The following AVEN variants were observed in gnomAD, a reference collection of about 807,000 sequenced individuals.
AVEN encodes apoptosis and caspase activation inhibitor.
AVEN carries 41 observed loss-of-function variants against 38.1 expected under a neutral mutation model. The observed-to-expected ratio is 1.08, with a 90% CI of 0.84 to 1.40. AVEN has a LOEUF of 1.40. Among genes scored for constraint, AVEN ranks in the 40% most tolerant of loss-of-function variants. The pLI is 0.00. For missense variants in AVEN, 605 were observed against 438.8 expected (o/e 1.38, Z -3.38); for synonymous variants, 206 against 171.8 (o/e 1.20, Z -1.56).
intron 2 of AVEN, among the ~76,000 whole-genome samples, chr15:33,959,945 G>T (rs1165059907): frequency 6.6e-6 from 1 of 152,158 alleles, no homozygotes; most frequent in African/African-American, 2.4e-5. Context: ...TCACTAAGCA[G>T]AAGATGCCAC....
In AVEN at chr15:33,894,645, A is replaced by G. The variant is rs375630550; in HGVS notation, c.446-18650T>C. Among the ~76,000 whole-genome samples the G allele has an allele frequency of 3.4e-3, 476 of 140,424 alleles. 32 individuals carry two copies. In the South Asian group the frequency reaches 0.089, roughly 26 times the overall value. The allele number at this position is 140,424 out of a possible 152,430, so 92.1% of individuals were successfully genotyped here. ...GGCAACACGGTAAAACCCCATCTCT[A>G]CAGAAATACAAAAAATTAGGTGGGC... On this transcript the variant is annotated intron_variant, in intron 2 of 5. Coordinates refer to ENST00000306730, the MANE Select transcript of AVEN (RefSeq NM_020371.3).
intron 2 of AVEN, among the ~76,000 whole-genome samples, chr15:33,961,610 G>A (rs1034044856): frequency 7.2e-4 from 109 of 151,618 alleles, no homozygotes; most frequent in South Asian, 1.5e-3. Flanking sequence ...TCAGGAGATC[G>A]AGACCATTCT....
At chr15:33,999,145 G>A (rs2140608308) in intron 2 of AVEN, among the ~76,000 whole-genome samples, 1 of 152,314 alleles carries the variant, frequency 6.6e-6, no homozygotes, top group East Asian at 1.9e-4. Context: ...GCTTCCAGTA[G>A]GTTAGACTTA....
At chr15:33,912,885 A>G (rs1456624668) in intron 2 of AVEN, among the ~76,000 whole-genome samples, 1 of 112,798 alleles carries the variant, frequency 8.9e-6, no homozygotes, top group East Asian at 2.6e-4. Context: ...TGTAAAAGGC[A>G]TAATTTTTTT....
intron 1 of AVEN, among the ~76,000 whole-genome samples, chr15:34,021,862 A>T (rs115133349): frequency 0.02 from 3,051 of 152,168 alleles, 99 homozygotes; most frequent in African/African-American, 0.07. Context: ...TCTCAAAAAT[A>T]AAAATAAAAT....
chr15:33,936,888 T>G (rs1241721556), intron 2 of AVEN, among the ~76,000 whole-genome samples: 2 of 152,018 alleles, frequency 1.3e-5, no homozygotes, highest in African/African-American at 2.4e-5. Flanking sequence ...TCCCAACACT[T>G]TGGGAGGCCG....
intron 1 of AVEN, among the ~76,000 whole-genome samples, chr15:34,021,571 A>G (rs1898201744): frequency 6.6e-6 from 1 of 152,232 alleles, no homozygotes; most frequent in Admixed American, 6.5e-5. Context: ...GCACTTACAC[A>G]TGGCCGTGTA....
At position 33,942,392 on chromosome 15, in the gene AVEN, A is replaced by G. The variant is rs114547386; in HGVS notation, c.445+60640T>C. 6.6e-3 allele frequency among the ~76,000 whole-genome samples: 1,008 copies of G among 152,296 alleles called. 11 individuals are homozygous for G. Among genetic ancestry groups the G allele is most frequent in the South Asian group, 0.026 (127 of 4,820 alleles). ...TGTCTACTCAACAACCGTGGTACTA[A>G]GTATTTAAATGAAGTTGTACTTGGT... is the stretch of plus-strand genomic sequence containing the variant. On this transcript the variant is annotated intron_variant, in intron 2 of 5. Coordinates refer to ENST00000306730, the MANE Select transcript of AVEN (RefSeq NM_020371.3).
Position 33,870,945 on chromosome 15 carries a change from T to C in AVEN, c.602A>G (p.Glu201Gly). ...CTTCGGGATTTTTACCTGGACCAGT[T>C]CGGCAGCAACGTTGAGTCGGAGGCA... ...PLCLRLNVAA[E>G]LVQGTVPLEV... is the part of the protein sequence containing the mutation. Residue 201 changes from glutamate (E) to glycine (G), a missense_variant, in exon 4 of 6, where the codon GAA becomes GGA. Physicochemically the swap from Glu to Gly is moderately conservative, Grantham distance 98 (BLOSUM62 -2). Coordinates refer to ENST00000306730, the MANE Select transcript of AVEN (RefSeq NM_020371.3). The C allele has an allele frequency of 6.2e-7, 1 of 1,611,218 alleles. No individual in the cohort carries two copies. The highest frequency in any genetic ancestry group is 8.5e-7 in the Non-Finnish European group (1 of 1,178,264).
At chr15:33,901,391 C>G (rs761145266) in intron 2 of AVEN, among the ~76,000 whole-genome samples, 2 of 152,218 alleles carry the variant, frequency 1.3e-5, no homozygotes, top group Non-Finnish European at 2.9e-5. Context: ...CACGCACACA[C>G]GTTTTATCTA....
chr15:33,892,197 G>C lies in AVEN; in HGVS notation c.446-16202C>G, dbSNP rs534803064. Among the ~76,000 whole-genome samples, 223 of 152,276 alleles carry C rather than the reference G, an allele frequency of 1.5e-3. 2 individuals are homozygous for C. Among genetic ancestry groups the C allele is most frequent in the South Asian group, 2.1e-3 (10 of 4,828 alleles). The stretch of plus-strand genomic sequence containing the variant: ...AGGTTGCCTGTTCACTCTGATGGTA[G>C]TTTCTTTTGCTGTGCAGAAGCTCTT... On this transcript the variant is annotated intron_variant, in intron 2 of 5. Coordinates refer to ENST00000306730, the MANE Select transcript of AVEN (RefSeq NM_020371.3).
chr15:34,009,640 C>T (rs1460044285), intron 1 of AVEN, among the ~76,000 whole-genome samples: 1 of 151,956 alleles, frequency 6.6e-6, no homozygotes, highest in East Asian at 1.9e-4. Context: ...AAACAAAAAT[C>T]GTTATAAAGA....
At chr15:33,861,142 C>T (rs776922626) in intron 11 of AVEN, 5 of 1,596,748 alleles carry the variant, frequency 3.1e-6, no homozygotes, top group South Asian at 1.1e-5. Flanking sequence ...GGTTTTGAAA[C>T]ACATACATTA....
At chr15:34,023,992 T>A (rs1405235962) in intron 1 of AVEN, among the ~76,000 whole-genome samples, 1 of 152,234 alleles carries the variant, frequency 6.6e-6, no homozygotes, top group Admixed American at 6.5e-5. Flanking sequence ...CTCCCTTCAC[T>A]GGTTTTAATC....
chr15:34,024,935 C>A (rs1414226512), intron 1 of AVEN, among the ~76,000 whole-genome samples: 1 of 151,736 alleles, frequency 6.6e-6, no homozygotes, highest in Non-Finnish European at 1.5e-5. Flanking sequence ...GTAATCCTAG[C>A]ACTTTGGGAG....
intron 5 of AVEN, among the ~76,000 whole-genome samples, chr15:34,062,115 C>T (rs867508724): frequency 1.3e-5 from 2 of 152,152 alleles, no homozygotes; most frequent in African/African-American, 2.4e-5. Flanking sequence ...CACAAGAGGG[C>T]AGCAGCCTCA....
chr15:33,930,267 T>A (rs1893790351), intron 2 of AVEN, among the ~76,000 whole-genome samples: 1 of 151,916 alleles, frequency 6.6e-6, no homozygotes, highest in Non-Finnish European at 1.5e-5. Flanking sequence ...TGATTTGGGA[T>A]GACATCTTGA....
the AVEN span, chr15:33,852,274 C>G: frequency 3.3e-5 from 5 of 152,208 alleles, no homozygotes; most frequent in Non-Finnish European, 7.3e-5. Flanking sequence ...TTCAGTAATT[C>G]TGGATAGGAA....
rs1162555127 is a variant in AVEN at position 34,005,176 on chromosome 15, A to T, written c.268-1967T>A. 2.6e-5 allele frequency among the ~76,000 whole-genome samples: 4 copies of T among 152,142 alleles called. 1 individual carries two copies. Among genetic ancestry groups the T allele is most frequent in the East Asian group, 1.9e-4 (1 of 5,204 alleles). On this transcript the variant is annotated intron_variant, in intron 1 of 5. Transcript: ENST00000306730. ...ACTTCTTTTTGGTCACTAGATTTTT[A>T]AAAAATATTCTTCATCTCTCCACTT...
Sources: allele counts gnomAD v4.1 joint callset (sites outside exome capture counted in the v4.1 genomes callset), GRCh38; gene constraint gnomAD v4.1.1; transcripts MANE v1.5; gene names NCBI Gene and HGNC (gene_info 2026-07-23, HGNC 2026-07-21).